PTPRR: variants seen among roughly 807,000 people sequenced by gnomAD.
PTPRR encodes the protein protein tyrosine phosphatase receptor type R, also known as receptor-type tyrosine-protein phosphatase R.
In PTPRR, 38 loss-of-function variants were observed where a neutral mutation model predicts 77.2. That is an observed-to-expected ratio of 0.49 (90% confidence interval 0.38 to 0.65). The LOEUF (loss-of-function observed/expected upper bound fraction) is 0.65, where lower values mean the gene tolerates loss of function less well. Ranked by LOEUF, PTPRR falls within the 30% of genes least tolerant of loss-of-function variation. PTPRR has a pLI of 0.00. For missense variants in PTPRR, 744 were observed against 799.2 expected, an observed-to-expected ratio of 0.93 and a Z score of 0.83; for synonymous variants, 299 against 283.1, an observed-to-expected ratio of 1.06 and a Z score of -0.57.
At chr12:70,823,995 G>A (rs2137043666) in intron 2 of PTPRR, among the ~76,000 whole-genome samples, 1 of 152,296 alleles carries the variant, frequency 6.6e-6, no homozygotes, top group African/African-American at 2.4e-5. Flanking sequence ...GTATGAGTCA[G>A]GGTTCTTCTC....
chr12:70,874,905 A>C (rs1162368289), intron 2 of PTPRR, among the ~76,000 whole-genome samples: 2 of 126,286 alleles, frequency 1.6e-5, no homozygotes, highest in African/African-American at 3.1e-5. Flanking sequence ...CCAGTGACAG[A>C]GTGAGACTCC....
At chr12:70,779,465 G>A (rs1484151985) in intron 2 of PTPRR, among the ~76,000 whole-genome samples, 1 of 152,038 alleles carries the variant, frequency 6.6e-6, no homozygotes, top group African/African-American at 2.4e-5. Flanking sequence ...TGTTCAGCTC[G>A]GTCTTAACAT....
chr12:70,856,735 TC>T (rs1453763094), intron 2 of PTPRR, among the ~76,000 whole-genome samples: 1 of 111,296 alleles, frequency 9.0e-6, no homozygotes, highest in African/African-American at 5.1e-5. Context: ...GAAGAGTATA[TC>T]AGTTAGAATT....
intron 8 of PTPRR, among the ~76,000 whole-genome samples, chr12:70,693,981 A>G (rs1250942029): frequency 2.0e-5 from 3 of 151,986 alleles, no homozygotes; most frequent in Admixed American, 1.3e-4. Context: ...CTATCATTTA[A>G]TTTTCTCGGT....
chr12:70,642,881 T>C (rs1886058441), intron 13 of PTPRR, among the ~76,000 whole-genome samples: 1 of 152,218 alleles, frequency 6.6e-6, no homozygotes, highest in South Asian at 2.1e-4. Context: ...CTGGATGCAG[T>C]GGCTCATGCC....
Position 70,725,117 on chromosome 12 carries a change from T to C in PTPRR, c.1007+20701A>G, listed in dbSNP as rs550462830. Among the ~76,000 whole-genome samples the C allele has an allele frequency of 3.3e-5, 5 of 152,218 alleles. No homozygotes were observed. In the South Asian group the frequency reaches 1.0e-3, roughly 32 times the overall value. ...AAGGGCATCTTATATTATATCCTCC[T>C]ATTATAAAATAAGCATGAAGAGACA... On this transcript the variant is annotated intron_variant, in intron 6 of 13. Transcript: ENST00000283228.
intron 2 of PTPRR, among the ~76,000 whole-genome samples, chr12:70,811,918 T>C (rs1891814898): frequency 6.6e-6 from 1 of 152,210 alleles, no homozygotes; most frequent in African/African-American, 2.4e-5. Context: ...AGCAAAATTT[T>C]AATGATGTCA....
intron 4 of PTPRR, among the ~76,000 whole-genome samples, chr12:70,758,524 G>C (rs1326065445): frequency 6.6e-6 from 1 of 152,184 alleles, no homozygotes; most frequent in Non-Finnish European, 1.5e-5. Context: ...TGGGAAGCAG[G>C]ATACATTTAT....
Position 70,639,163 on chromosome 12 carries a change from G to C in PTPRR, c.*21C>G, listed in dbSNP as rs1377696106. The C allele has an allele frequency of 1.3e-6, 2 of 1,598,008 alleles. No homozygotes were observed. Among genetic ancestry groups the C allele is most frequent in the Non-Finnish European group, 1.7e-6 (2 of 1,168,242 alleles). On this transcript the variant is annotated 3_prime_UTR_variant, in exon 14 of 14. Coordinates refer to ENST00000283228, the MANE Select transcript of PTPRR (RefSeq NM_002849.4). ...GATTAATCACCCCAAGAGATTGATG[G>C]TCTGACAAGTCTTCAATGACTCACT...
intron 2 of PTPRR, among the ~76,000 whole-genome samples, chr12:70,824,092 C>T (rs1002844223): frequency 6.6e-6 from 1 of 152,190 alleles, no homozygotes; most frequent in African/African-American, 2.4e-5. Flanking sequence ...GAGGTCCCAA[C>T]GTTAGACAGA....
At chr12:70,714,356 C>T (rs913787074) in intron 6 of PTPRR, among the ~76,000 whole-genome samples, 8 of 152,214 alleles carry the variant, frequency 5.3e-5, no homozygotes, top group African/African-American at 1.7e-4. Context: ...GTTCTTCCCG[C>T]CTCCTGATTT....
At chr12:70,719,305 G>A (rs552235070) in intron 6 of PTPRR, among the ~76,000 whole-genome samples, 106 of 152,014 alleles carry the variant, frequency 7.0e-4, no homozygotes, top group Non-Finnish European at 1.2e-3. Context: ...GGCTGTCCTC[G>A]ATAAGGCATG....
intron 2 of PTPRR, among the ~76,000 whole-genome samples, chr12:70,890,014 C>T (rs1893308011): frequency 6.6e-6 from 1 of 152,180 alleles, no homozygotes; most frequent in African/African-American, 2.4e-5. Context: ...TAGTTGCTAC[C>T]ATTCCACCAT....
intron 13 of PTPRR, among the ~76,000 whole-genome samples, chr12:70,648,154 G>A (rs1403000792): frequency 2.0e-5 from 3 of 152,124 alleles, no homozygotes; most frequent in East Asian, 1.9e-4. Flanking sequence ...TTGGTCATGT[G>A]GCCTTGGAGA....
intron 1 of PTPRR, among the ~76,000 whole-genome samples, chr12:70,895,057 A>C (rs1459037346): frequency 6.6e-6 from 1 of 151,724 alleles, no homozygotes; most frequent in Admixed American, 6.6e-5. Context: ...CTAAGAAAAT[A>C]ACCCATCTTT....
intron 2 of PTPRR, among the ~76,000 whole-genome samples, chr12:70,769,697 A>G (rs866293528): frequency 0.099 from 15,012 of 151,012 alleles, 882 homozygotes; most frequent in African/African-American, 0.17. Flanking sequence ...AGCCCGCATC[A>G]CCAAGTCAAT....
rs183048321 is a variant in PTPRR at position 70,864,767 on chromosome 12, T to C, written c.357+27912A>G. 3.9e-5 allele frequency among the ~76,000 whole-genome samples: 6 copies of C among 152,272 alleles called. No homozygotes were observed. The East Asian group carries it at 1.2e-3, about 29-fold the overall frequency. The stretch of plus-strand genomic sequence containing the variant: ...ATCATAGATGCAGTTTCCCTCATAC[T>C]GTTCCCATGGTAGTGAATAAGTCTC... On this transcript the variant is annotated intron_variant, in intron 2 of 13. Transcript: ENST00000283228.
chr12:70,915,655 T>C (rs1256389182), intron 1 of PTPRR, among the ~76,000 whole-genome samples: 1 of 152,208 alleles, frequency 6.6e-6, no homozygotes, highest in African/African-American at 2.4e-5. Context: ...AGTTGATTAG[T>C]AGTTCTGGTC....
chr12:70,813,161 A>G (rs895457939), intron 2 of PTPRR, among the ~76,000 whole-genome samples: 2 of 152,218 alleles, frequency 1.3e-5, no homozygotes, highest in African/African-American at 4.8e-5. Flanking sequence ...TTGCCCAAGC[A>G]CATACATTCA....
Sources: allele counts gnomAD v4.1 joint callset (sites outside exome capture counted in the v4.1 genomes callset), GRCh38; gene constraint gnomAD v4.1.1; transcripts MANE v1.5; gene names NCBI Gene and HGNC (gene_info 2026-07-23, HGNC 2026-07-21).